Variants in ZNF560 observed in about 807,000 individuals in gnomAD.
ZNF560 encodes zinc finger protein 560.
In ZNF560, 54 loss-of-function variants were observed where a neutral mutation model predicts 81.8. That is an observed-to-expected ratio of 0.66 (90% CI 0.53 to 0.83). The LOEUF (loss-of-function observed/expected upper bound fraction) is 0.83, where lower values mean the gene tolerates loss of function less well. Among genes scored for constraint, ZNF560 ranks in the 40% least tolerant of loss-of-function variants. The pLI, the probability that ZNF560 is intolerant of heterozygous loss-of-function variation, is 0.00. For synonymous variants in ZNF560, 321 were observed against 317.9 expected, an observed-to-expected ratio of 1.01 and a Z score of -0.10; for missense variants, 940 against 932.4, an observed-to-expected ratio of 1.01 and a Z score of -0.11.
the ZNF560 span, among the ~76,000 whole-genome samples, chr19:9,457,105 T>C: frequency 6.6e-6 from 1 of 152,168 alleles, no homozygotes; most frequent in African/African-American, 2.4e-5. Context: ...TTAAATGAAC[T>C]AGTCAAAGAA....
In ZNF560 at chr19:9,498,192, G is replaced by A. The variant is rs2073592512; in HGVS notation, c.-121C>T. ...ATCTTGGGGACGGAGTCAATCGAAC[G>A]CGAACGGCAAAATTCTTTTCCCTCT... On this transcript the variant is annotated 5_prime_UTR_variant, in exon 2 of 10. Coordinates refer to ENST00000301480, the MANE Select transcript of ZNF560 (RefSeq NM_152476.3). The A allele has an allele frequency of 6.6e-6, 1 of 152,168 alleles. No homozygotes were observed. The allele number at this position is 152,168 out of a possible 1,614,324, so 9.4% of individuals were successfully genotyped here.
chr19:9,475,465 T>C (rs564063736), intron 2 of ZNF560, 96 bp from the exon 3 acceptor site: 151 of 661,884 alleles, frequency 2.3e-4, no homozygotes, highest in Non-Finnish European at 3.5e-4. Context: ...AATTCTCTTA[T>C]AATTCATATA....
At chr19:9,483,635 C>T (rs2073336764) in intron 2 of ZNF560, among the ~76,000 whole-genome samples, 1 of 144,498 alleles carries the variant, frequency 6.9e-6, no homozygotes, top group African/African-American at 2.6e-5. Context: ...AGGTGGGGGC[C>T]AGCCCCCCGC....
At chr19:9,490,333 T>G (rs2073451517) in intron 2 of ZNF560, among the ~76,000 whole-genome samples, 1 of 152,224 alleles carries the variant, frequency 6.6e-6, no homozygotes, top group East Asian at 1.9e-4. Context: ...ATGAGAACCT[T>G]GAGTGCCAAA....
At chr19:9,451,201 C>T in the ZNF560 span, among the ~76,000 whole-genome samples, 3 of 152,112 alleles carry the variant, frequency 2.0e-5, no homozygotes, top group African/African-American at 7.2e-5. Context: ...AAACCAGAGA[C>T]GTCACCCTAC....
At chr19:9,453,537 T>C in the ZNF560 span, among the ~76,000 whole-genome samples, 6 of 152,094 alleles carry the variant, frequency 3.9e-5, no homozygotes, top group Admixed American at 2.0e-4. Context: ...ACTTAAAATA[T>C]CAGAAAATAT....
At chr19:9,504,612 C>A in the ZNF560 span, among the ~76,000 whole-genome samples, 7 of 152,066 alleles carry the variant, frequency 4.6e-5, no homozygotes, top group African/African-American at 1.7e-4. Flanking sequence ...CAAGCTATGT[C>A]CTTACTGATC....
At chr19:9,501,909 T>G (rs2073636285), upstream of ZNF560, among the ~76,000 whole-genome samples, 1 of 152,016 alleles carries the variant, frequency 6.6e-6, no homozygotes, top group Non-Finnish European at 1.5e-5. Context: ...TGCCAGCACT[T>G]TGGGAGACCA....
At chr19:9,487,158 A>G (rs1473824780) in intron 2 of ZNF560, among the ~76,000 whole-genome samples, 2 of 152,182 alleles carry the variant, frequency 1.3e-5, no homozygotes, top group Non-Finnish European at 2.9e-5. Flanking sequence ...AGGGATAAAA[A>G]TTGCTTCCCT....
chr19:9,494,679 T>C (rs996060053), intron 2 of ZNF560, among the ~76,000 whole-genome samples: 1 of 151,746 alleles, frequency 6.6e-6, no homozygotes, highest in Non-Finnish European at 1.5e-5. Context: ...GAGGTTGCAG[T>C]GAGCCAAGAT....
rs759392530 is a variant in ZNF560, at chr19:9,467,455, C to A, written c.1492G>T (p.Val498Phe). Reference protein sequence around the residue: ...FDCDQCGKVFVSFSSLFAHLR... With the variant: ...FDCDQCGKVFFSFSSLFAHLR... ...TGAGCAAAAAGAGATGAGAAAGAAA[C>A]AAAGACTTTCCCACACTGGTCACAA... is the stretch of plus-strand genomic sequence containing the variant. Residue 498 changes from valine (V) to phenylalanine (F), a missense_variant, in exon 10 of 10, where the codon GTT becomes TTT. Coordinates refer to ENST00000301480, the MANE Select transcript of ZNF560 (RefSeq NM_152476.3). The A allele has an allele frequency of 1.9e-6, 3 of 1,613,896 alleles. No homozygotes were observed. In the South Asian group the frequency reaches 3.3e-5, roughly 18 times the overall value.
rs1392950968 is a variant in ZNF560 at position 9,467,208 on chromosome 19, G to C, written c.1739C>G (p.Ala580Gly). Residue 580 changes from alanine to glycine, a missense_variant, in exon 10 of 10, where the codon GCC (alanine) becomes GGC (glycine). Physicochemically the swap from Ala to Gly is moderately conservative, Grantham distance 60 (BLOSUM62 0). Transcript: ENST00000301480. ...AGTAAGGTATGAGCGCTCAGTGAAG[G>C]CTTTCCCACATTTCATACATTCATA... ...KPYECMKCGKAFTERSYLTKH... is the reference protein window; with the variant it reads ...KPYECMKCGKGFTERSYLTKH... The C allele has an allele frequency of 1.9e-6, 3 of 1,614,086 alleles. No individual in the cohort carries two copies. Among genetic ancestry groups the C allele is most frequent in the Non-Finnish European group, 2.5e-6 (3 of 1,180,012 alleles).
At chr19:9,476,975 A>C (rs1429357697) in intron 2 of ZNF560, among the ~76,000 whole-genome samples, 1 of 152,134 alleles carries the variant, frequency 6.6e-6, no homozygotes, top group Admixed American at 6.5e-5. Flanking sequence ...CTGGCAATCT[A>C]TTCCTCTTTA....
At chr19:9,473,079 G>T in intron 5 of ZNF560, 100 bp downstream of exon 5, 1 of 929,694 alleles carries the variant, frequency 1.1e-6, no homozygotes, top group Non-Finnish European at 1.8e-6. Context: ...AAATCACCCA[G>T]TCTCAGGTAT....
At chr19:9,474,462 G>A in intron 3 of ZNF560, 137 bp from the exon 4 acceptor site, 1 of 961,916 alleles carries the variant, frequency 1.0e-6, no homozygotes, top group Non-Finnish European at 1.5e-6. Flanking sequence ...AATAATCCCA[G>A]GTAAATCTCA....
At chr19:9,449,846 G>A in the ZNF560 span, among the ~76,000 whole-genome samples, 6 of 152,074 alleles carry the variant, frequency 3.9e-5, no homozygotes, top group Non-Finnish European at 7.4e-5. Flanking sequence ...GTCTGTGCCT[G>A]TAATCCCAGT....
downstream of ZNF560, among the ~76,000 whole-genome samples, chr19:9,462,212 T>C (rs189111245): frequency 6.0e-4 from 92 of 152,306 alleles, 3 homozygotes; most frequent in Non-Finnish European, 4.4e-5. Context: ...TCGTGATGGT[T>C]ATGATGCACA....
chr19:9,494,302 A>T lies in ZNF560; in HGVS notation c.-57+3826T>A, dbSNP rs974649276. On this transcript the variant is annotated intron_variant, in intron 2 of 9. Coordinates refer to ENST00000301480, the MANE Select transcript of ZNF560 (RefSeq NM_152476.3). ...GGGCACATGTGGATGCTGACTAGGC[A>T]AAACTGTGAACATGCCAGTTACCAA... 3.9e-5 allele frequency among the ~76,000 whole-genome samples: 6 copies of T among 152,196 alleles called. No homozygotes were observed. The East Asian group carries it at 1.2e-3, about 29-fold the overall frequency.
chr19:9,467,490 T>C lies in ZNF560; in HGVS notation c.1457A>G (p.Lys486Arg). 6.2e-7 allele frequency: 1 copy of C among 1,614,136 alleles called. No individual in the cohort carries two copies. The highest frequency in any genetic ancestry group is 8.5e-7 in the Non-Finnish European group (1 of 1,180,028). ...IEDRRSNTGQ[K>R]RFDCDQCGKV... ...CCCACACTGGTCACAATCAAAGCGT[T>C]TCTGTCCTGTGTTACTTCTTCTATC... Residue 486 changes from lysine (K) to arginine (R), a missense_variant, in exon 10 of 10, where the codon AAA becomes AGA. Coordinates refer to ENST00000301480, the MANE Select transcript of ZNF560 (RefSeq NM_152476.3).
Sources: gnomAD v4.1 joint callset for allele counts (sites outside exome capture counted in the v4.1 genomes callset) on GRCh38, gnomAD v4.1.1 for gene constraint, MANE v1.5 for transcripts, NCBI Gene and HGNC (gene_info 2026-07-23, HGNC 2026-07-21) for gene names.